SLC2A13: variants seen among roughly 807,000 people sequenced by gnomAD.
The protein encoded by SLC2A13 is proton myo-inositol cotransporter.
In SLC2A13, 32 loss-of-function variants were observed where a neutral mutation model predicts 64.4. The observed-to-expected ratio is 0.50, with a 90% CI of 0.37 to 0.67. The LOEUF is 0.67. Ranked by LOEUF, SLC2A13 falls within the 30% of genes least tolerant of loss-of-function variation. The pLI, the probability that SLC2A13 is intolerant of heterozygous loss-of-function variation, is 0.00. For missense variants in SLC2A13, 743 were observed against 829.2 expected, an observed-to-expected ratio of 0.90 and a Z score of 1.28; for synonymous variants, 338 against 327.1, an observed-to-expected ratio of 1.03 and a Z score of -0.36.
rs773714339 is a variant in SLC2A13, at chr12:40,028,479, C to T, written c.747G>A (p.Ala249=). 116 of 1,613,792 alleles carry T rather than the reference C, an allele frequency of 7.2e-5. No individual in the cohort carries two copies. The highest frequency in any genetic ancestry group is 3.8e-4 in the East Asian group (17 of 44,888). The change falls in exon 3 of 10, where the codon GCG becomes GCA. Residue 249 remains alanine, a synonymous_variant. Coordinates refer to ENST00000280871, the MANE Select transcript of SLC2A13 (RefSeq NM_052885.4). The part of the protein sequence containing the change: ...RYMLGLAAVP[A]VIQFFGFLFL... ...AGAGAAAGCCAAAAAACTGTATAAC[C>T]GCCGGAACTGCTGCAAGTCCCAACA...
chr12:40,001,644 C>T (rs1170196461), intron 3 of SLC2A13, among the ~76,000 whole-genome samples: 1 of 152,288 alleles, frequency 6.6e-6, no homozygotes, highest in East Asian at 1.9e-4. Context: ...TCTAAGTCAG[C>T]ACTCTTTATT....
chr12:39,843,345 T>A (rs1943224703), intron 6 of SLC2A13, among the ~76,000 whole-genome samples: 1 of 152,024 alleles, frequency 6.6e-6, no homozygotes, highest in African/African-American at 2.4e-5. Flanking sequence ...AAGGAGAAGA[T>A]GTTTTCTAAG....
intron 6 of SLC2A13, among the ~76,000 whole-genome samples, chr12:39,832,236 A>ATC (rs1942873800): frequency 6.6e-6 from 1 of 152,116 alleles, no homozygotes; most frequent in Non-Finnish European, 1.5e-5. Flanking sequence ...AGACTAGGCT[A>ATC]ATTTGGAAAG....
intron 1 of SLC2A13, among the ~76,000 whole-genome samples, chr12:40,079,598 T>C (rs553913446): frequency 3.3e-5 from 5 of 152,322 alleles, no homozygotes; most frequent in Non-Finnish European, 7.4e-5. Context: ...GGGTGGCATA[T>C]TGTATAGATG....
chr12:39,998,599 G>A (rs553364760), intron 3 of SLC2A13, among the ~76,000 whole-genome samples: 1 of 152,106 alleles, frequency 6.6e-6, no homozygotes, highest in African/African-American at 2.4e-5. Flanking sequence ...TCTCCCGTTT[G>A]GAATGGCTGT....
At chr12:39,899,365 CTCTCT>C (rs1290194951) in intron 4 of SLC2A13, among the ~76,000 whole-genome samples, 1 of 151,980 alleles carries the variant, frequency 6.6e-6, no homozygotes, top group Non-Finnish European at 1.5e-5. Context: ...TTTGATTCTC[CTCTCT>C]TTTCTTCTTT....
intron 5 of SLC2A13, among the ~76,000 whole-genome samples, chr12:39,866,979 T>C (rs1943928369): frequency 6.6e-6 from 1 of 152,206 alleles, no homozygotes; most frequent in South Asian, 2.1e-4. Context: ...GTTTAACTAC[T>C]GTTGGCTTAA....
At chr12:39,905,334 T>C (rs1023759592) in intron 4 of SLC2A13, among the ~76,000 whole-genome samples, 33 of 152,140 alleles carry the variant, frequency 2.2e-4, no homozygotes, top group African/African-American at 7.7e-4. Flanking sequence ...ATAAACAGCC[T>C]GTAATACTGC....
intron 7 of SLC2A13, among the ~76,000 whole-genome samples, chr12:39,783,130 A>T (rs1334712641): frequency 6.6e-6 from 1 of 151,888 alleles, no homozygotes; most frequent in African/African-American, 2.4e-5. Context: ...GTTTGGTTTT[A>T]TGTCCTTGTG....
At chr12:39,849,334 A>T (rs1307807756) in intron 6 of SLC2A13, among the ~76,000 whole-genome samples, 1 of 152,146 alleles carries the variant, frequency 6.6e-6, no homozygotes, top group African/African-American at 2.4e-5. Context: ...CCTCCAAGTT[A>T]CTTGGACAGC....
rs951596016 is a variant in SLC2A13 at position 39,943,995 on chromosome 12, T to A, written c.1034+7262A>T. On this transcript the variant is annotated intron_variant, in intron 4 of 9. Transcript: ENST00000280871. ...ATGTAGGCATTTAGGGCTATGAACTTTCCTCTTAGCATCACCTTTGCTGTA... is the reference window on the plus strand; with the variant it reads ...ATGTAGGCATTTAGGGCTATGAACTATCCTCTTAGCATCACCTTTGCTGTA... 3.3e-5 allele frequency among the ~76,000 whole-genome samples: 5 copies of A among 150,030 alleles called. No individual in the cohort carries two copies. The South Asian group carries it at 1.1e-3, about 32-fold the overall frequency.
At chr12:39,906,880 A>G (rs1303339581) in intron 4 of SLC2A13, among the ~76,000 whole-genome samples, 1 of 152,128 alleles carries the variant, frequency 6.6e-6, no homozygotes, top group Non-Finnish European at 1.5e-5. Context: ...ATGAGGGAAG[A>G]TAAAGTAAAA....
intron 3 of SLC2A13, among the ~76,000 whole-genome samples, chr12:39,979,014 C>T (rs1407620722): frequency 6.6e-6 from 1 of 150,918 alleles, no homozygotes; most frequent in South Asian, 2.1e-4. Flanking sequence ...GGTCCCTGAC[C>T]CCTGACCCCC....
At chr12:39,799,558 A>G (rs1941711185) in intron 7 of SLC2A13, among the ~76,000 whole-genome samples, 1 of 152,198 alleles carries the variant, frequency 6.6e-6, no homozygotes, top group African/African-American at 2.4e-5. Context: ...AAAGTAAACA[A>G]GAAGATAGCC....
In SLC2A13 at chr12:40,028,363, A is replaced by G. The variant is rs777156287; in HGVS notation, c.863T>C (p.Ile288Thr). The change falls in exon 3 of 10, where the codon ATT becomes ACT. Residue 288 changes from isoleucine (I) to threonine (T), a missense_variant. Ile to Thr is a moderately conservative substitution (Grantham distance 89). This residue lies in a region of SLC2A13 where 448 missense variants were observed against 447.4 expected (regional missense o/e 1.00). Coordinates refer to ENST00000280871, the MANE Select transcript of SLC2A13 (RefSeq NM_052885.4). The stretch of plus-strand genomic sequence containing the variant: ...TTTGATGCTATCATATTCCTCATCA[A>G]TGGTCTGGTTACCACGCATCTGAGA... The part of the protein sequence containing the change: ...ILSQMRGNQT[I>T]DEEYDSIKNN... 1 of 1,614,044 alleles carries G rather than the reference A, an allele frequency of 6.2e-7. No homozygotes were observed. Among genetic ancestry groups the G allele is most frequent in the Non-Finnish European group, 8.5e-7 (1 of 1,179,994 alleles).
intron 6 of SLC2A13, among the ~76,000 whole-genome samples, chr12:39,838,858 G>C (rs1235036798): frequency 1.3e-5 from 2 of 152,034 alleles, no homozygotes; most frequent in Non-Finnish European, 2.9e-5. Flanking sequence ...TTGTTTTTAA[G>C]TATGTCTCAT....
At position 39,865,729 on chromosome 12, in the gene SLC2A13, A is replaced by T. The variant is rs117443445; in HGVS notation, c.1199-847T>A. Among the ~76,000 whole-genome samples the T allele has an allele frequency of 7.2e-3, 1,090 of 152,360 alleles. 6 individuals are homozygous for T. Among genetic ancestry groups the T allele is most frequent in the Middle Eastern group, 0.01 (3 of 294 alleles). On this transcript the variant is annotated intron_variant, in intron 5 of 9. Coordinates refer to ENST00000280871, the MANE Select transcript of SLC2A13 (RefSeq NM_052885.4). ...GAATGAGATCATGTCCTTTGCAGCA[A>T]CATGGATGGAGCTGGAGGCCATGAT...
intron 3 of SLC2A13, among the ~76,000 whole-genome samples, chr12:40,018,070 G>A (rs1346647903): frequency 6.6e-6 from 1 of 151,894 alleles, no homozygotes; most frequent in Non-Finnish European, 1.5e-5. Flanking sequence ...TGAGGAAACT[G>A]ATAAAAACAG....
At chr12:40,096,751 ATATAT>A (rs976608321) in intron 1 of SLC2A13, among the ~76,000 whole-genome samples, 3 of 151,940 alleles carry the variant, frequency 2.0e-5, no homozygotes, top group African/African-American at 4.8e-5. Context: ...TACATTATAT[ATATAT>A]TATTTCTTTG....
Sources: gnomAD v4.1 joint callset for allele counts (sites outside exome capture counted in the v4.1 genomes callset) on GRCh38, gnomAD v4.1.1 for gene constraint, gnomAD v4.1.1 regional missense constraint, MANE v1.5 for transcripts, NCBI Gene and HGNC (gene_info 2026-07-23, HGNC 2026-07-21) for gene names.